PTGS1: variants seen among roughly 807,000 people sequenced by gnomAD.
PTGS1 encodes the protein prostaglandin G/H synthase 1.
A neutral mutation model predicts 63.0 loss-of-function variants in PTGS1; 40 were observed. That is an observed-to-expected ratio of 0.63 (90% CI 0.49 to 0.83). The LOEUF (loss-of-function observed/expected upper bound fraction) is 0.83, where lower values mean the gene tolerates loss of function less well. PTGS1 is among the 40% of genes least tolerant of loss of function. PTGS1 has a pLI of 0.00. For synonymous variants in PTGS1, 298 were observed against 301.9 expected (o/e 0.99, Z 0.13); for missense variants, 709 against 786.5 (o/e 0.90, Z 1.18).
In PTGS1 at chr9:122,371,251, G is replaced by C. The variant is rs1319551177; in HGVS notation, c.73G>C (p.Asp25His). The change falls in exon 2 of 11, where the codon GAC becomes CAC. Residue 25 changes from aspartate (D) to histidine (H), a missense_variant. By Grantham distance (81) the Asp-to-His change is moderately conservative (BLOSUM62 -1). Coordinates refer to ENST00000362012, the MANE Select transcript of PTGS1 (RefSeq NM_000962.4). ...LLPPLPVLLADPGAPTPVNPC... is the reference protein window; with the variant it reads ...LLPPLPVLLAHPGAPTPVNPC... ...CCCGCCGCTCCCCGTCCTGCTCGCG[G>C]ACCCAGGGGCGCCCACGCCAGGTAG... is the stretch of plus-strand genomic sequence containing the variant. 5 of 1,606,498 alleles carry C rather than the reference G, an allele frequency of 3.1e-6. No homozygotes were observed. Among genetic ancestry groups the C allele is most frequent in the Non-Finnish European group, 4.2e-6 (5 of 1,179,916 alleles).
At chr9:122,376,261 C>T (rs914242816) in intron 2 of PTGS1, among the ~76,000 whole-genome samples, 6 of 152,114 alleles carry the variant, frequency 3.9e-5, no homozygotes, top group South Asian at 2.1e-4. Context: ...CTCCCTCCTA[C>T]ACCCCTGCTG....
Position 122,392,483 on chromosome 9 carries a change from G to T in PTGS1, c.1739G>T (p.Arg580Leu). The T allele has an allele frequency of 1.6e-5, 26 of 1,614,162 alleles. No homozygotes were observed. Among genetic ancestry groups the T allele is most frequent in the Non-Finnish European group, 2.0e-5 (24 of 1,180,034 alleles). The change falls in exon 11 of 11, where the codon CGT becomes CTT. Residue 580 changes from arginine to leucine, a missense_variant. Physicochemically the swap from Arg to Leu is moderately radical, Grantham distance 102. Coordinates refer to ENST00000362012, the MANE Select transcript of PTGS1 (RefSeq NM_000962.4). ...AAGACCTGTCCCTACGTTTCCTTCC[G>T]TGTGCCGGATGCCAGTCAGGATGAT... ...NTKTCPYVSF[R>L]VPDASQDDGP... is the part of the protein sequence containing the mutation.
intron 2 of PTGS1, chr9:122,371,907 C>A: frequency 8.8e-7 from 1 of 1,138,602 alleles, no homozygotes; most frequent in Non-Finnish European, 1.3e-6. Context: ...CTGTCTGCGT[C>A]CACACACTTC....
At chr9:122,387,718 C>T (rs1837957392) in intron 9 of PTGS1, among the ~76,000 whole-genome samples, 1 of 152,210 alleles carries the variant, frequency 6.6e-6, no homozygotes, top group African/African-American at 2.4e-5. Context: ...TTGTTTGAGC[C>T]ACTCATTCTG....
At chr9:122,380,758 C>T (rs190951668) in intron 5 of PTGS1, among the ~76,000 whole-genome samples, 3 of 152,212 alleles carry the variant, frequency 2.0e-5, no homozygotes, top group Admixed American at 2.0e-4. Flanking sequence ...CCCACTGGTT[C>T]TCTGCCATGC....
chr9:122,386,588 C>T lies in PTGS1; in HGVS notation c.1152C>T (p.Tyr384=), dbSNP rs1256318228. Residue 384 remains tyrosine (Y), a synonymous_variant, in exon 9 of 11, where the codon TAC becomes TAT. Coordinates refer to ENST00000362012, the MANE Select transcript of PTGS1 (RefSeq NM_000962.4). ...TTGCCATGGAGTTCAACCATCTCTA[C>T]CACTGGCACCCCCTCATGCCTGACT... ...NRIAMEFNHL[Y]HWHPLMPDSF... is the part of the protein sequence containing the mutation. 6.2e-7 allele frequency: 1 copy of T among 1,614,116 alleles called. No individual in the cohort carries two copies. Among genetic ancestry groups the T allele is most frequent in the Non-Finnish European group, 8.5e-7 (1 of 1,180,054 alleles).
At position 122,392,240 on chromosome 9, in the gene PTGS1, C is replaced by T. The variant is rs200550102; in HGVS notation, c.1496C>T (p.Ala499Val). ...GAGGAATTGTATGGAGACATTGATGCGTTGGAGTTCTACCCTGGACTGCTT... is the reference window on the plus strand; with the variant it reads ...GAGGAATTGTATGGAGACATTGATGTGTTGGAGTTCTACCCTGGACTGCTT... ...ELEELYGDIDALEFYPGLLLE... is the reference protein window; with the variant it reads ...ELEELYGDIDVLEFYPGLLLE... Residue 499 changes from alanine to valine, a missense_variant, in exon 11 of 11, where the codon GCG becomes GTG. Ala to Val is a moderately conservative substitution (Grantham distance 64). Transcript: ENST00000362012. 7.2e-5 allele frequency: 115 copies of T among 1,607,178 alleles called. No individual in the cohort carries two copies. In the South Asian group the frequency reaches 8.4e-4, roughly 12 times the overall value.
At chr9:122,386,145 A>G (rs940470948) in intron 8 of PTGS1, among the ~76,000 whole-genome samples, 4 of 146,876 alleles carry the variant, frequency 2.7e-5, no homozygotes, top group Non-Finnish European at 5.9e-5. Flanking sequence ...AAAAAAAAAA[A>G]GAAAGAAAGA....
At chr9:122,372,400 A>C (rs1436529508) in intron 2 of PTGS1, among the ~76,000 whole-genome samples, 2 of 152,196 alleles carry the variant, frequency 1.3e-5, no homozygotes, top group Admixed American at 6.5e-5. Context: ...GTTTATGGGA[A>C]GAGGAGGAGG....
chr9:122,371,526 G>C, intron 2 of PTGS1: 1 of 1,357,078 alleles, frequency 7.4e-7, no homozygotes, highest in Non-Finnish European at 9.7e-7. Flanking sequence ...GGGGAGAAGG[G>C]ACAGTCCCTA....
intron 2 of PTGS1, chr9:122,371,517 G>A (rs1836809158): frequency 2.2e-6 from 3 of 1,339,138 alleles, no homozygotes; most frequent in Non-Finnish European, 9.9e-7. Context: ...TGCCAACTTG[G>A]GGAGAAGGGA....
At chr9:122,388,070 T>C (rs1035643341) in intron 9 of PTGS1, among the ~76,000 whole-genome samples, 2 of 152,220 alleles carry the variant, frequency 1.3e-5, no homozygotes, top group African/African-American at 4.8e-5. Context: ...ACAGAGACAA[T>C]AGCCTTTGTG....
rs1232944409 is a variant in PTGS1, at chr9:122,381,647, C to G, written c.679-17C>G. The G allele has an allele frequency of 1.2e-6, 2 of 1,613,692 alleles. No individual in the cohort carries two copies. The highest frequency in any genetic ancestry group is 1.7e-5 in the Admixed American group (1 of 60,016). On this transcript the variant is annotated splice_polypyrimidine_tract_variant and intron_variant, in intron 6 of 10. Transcript: ENST00000362012. ...CCGGCACCCTGGTGACCTGAGGGAA[C>G]CCCTCTCTGTCCACAGGTAGACCTC...
chr9:122,374,398 C>G (rs931704525), intron 2 of PTGS1, among the ~76,000 whole-genome samples: 3 of 152,122 alleles, frequency 2.0e-5, no homozygotes, highest in African/African-American at 7.2e-5. Context: ...AAAAATGAGG[C>G]TCCAGAGGTG....
Position 122,378,623 on chromosome 9 carries a change from A to G in PTGS1, c.352+50A>G, listed in dbSNP as rs201517426. 114 of 1,613,004 alleles carry G rather than the reference A, an allele frequency of 7.1e-5. No individual in the cohort carries two copies. The African/African-American group carries it at 1.5e-3, about 21-fold the overall frequency. ...ACCTGGGGGAGCAAGCAAGCCTGCT[A>G]GTCCTTTTGGATTCTTGGCATCTGA... On this transcript the variant is annotated intron_variant, in intron 4 of 10. Coordinates refer to ENST00000362012, the MANE Select transcript of PTGS1 (RefSeq NM_000962.4).
chr9:122,378,233 C>T (rs1266036108), intron 3 of PTGS1, among the ~76,000 whole-genome samples, 200 bp from the exon 4 acceptor site: 2 of 152,176 alleles, frequency 1.3e-5, no homozygotes, highest in African/African-American at 4.8e-5. Flanking sequence ...GAGTCTTCAC[C>T]ACATGCCCTG....
In PTGS1 at chr9:122,389,623, C is replaced by A. The variant is rs139285270; in HGVS notation, c.1297-575C>A. 2.9e-4 allele frequency among the ~76,000 whole-genome samples: 44 copies of A among 152,190 alleles called. No homozygotes were observed. The East Asian group carries it at 8.5e-3, about 29-fold the overall frequency. ...TCAACGGTCTGGGGAGCAGTGTGAG[C>A]CACAAAAGAGGTCCTCTTGGCCCAT... On this transcript the variant is annotated intron_variant, in intron 9 of 10. Transcript: ENST00000362012.
intron 10 of PTGS1, 91 bp downstream of exon 10, chr9:122,390,436 A>T: frequency 7.2e-7 from 1 of 1,394,226 alleles, no homozygotes. Context: ...GGGACAATAC[A>T]TGCGGCAATG....
intron 3 of PTGS1, 30 bp from the exon 4 acceptor site, chr9:122,378,403 C>T: frequency 6.2e-7 from 1 of 1,611,196 alleles, no homozygotes; most frequent in Non-Finnish European, 8.5e-7. Context: ...GTAGGAGGGA[C>T]CAACTGAGTG....
Sources: gnomAD v4.1 joint callset for allele counts (sites outside exome capture counted in the v4.1 genomes callset) on GRCh38, gnomAD v4.1.1 for gene constraint, MANE v1.5 for transcripts, NCBI Gene and HGNC (gene_info 2026-07-23, HGNC 2026-07-21) for gene names.